NFIB: variants seen among roughly 807,000 people sequenced by gnomAD.
NFIB encodes the protein nuclear factor 1 B-type.
Under a neutral mutation model 61.5 loss-of-function variants are expected in NFIB, and 11 were observed. The observed-to-expected ratio is 0.18, with a 90% confidence interval of 0.11 to 0.30. NFIB has a LOEUF of 0.30. Ranked by LOEUF, NFIB falls within the 10% of genes least tolerant of loss-of-function variation. NFIB has a pLI of 1.00. For synonymous variants in NFIB, 260 were observed against 216.5 expected (o/e 1.20, Z -1.76); for missense variants, 471 against 608.9 (o/e 0.77, Z 2.38).
intron 2 of NFIB, among the ~76,000 whole-genome samples, chr9:14,206,428 C>A (rs1021636393): frequency 8.6e-5 from 13 of 152,028 alleles, no homozygotes; most frequent in South Asian, 6.2e-4. Flanking sequence ...CTCGGCCTCG[C>A]AAACTGCTGG....
intron 1 of NFIB, among the ~76,000 whole-genome samples, chr9:14,397,535 C>T (rs1206967109): frequency 6.6e-6 from 1 of 152,106 alleles, no homozygotes; most frequent in East Asian, 1.9e-4. Context: ...TTATCCCCCC[C>T]AAAAAGATTC....
At chr9:14,227,726 C>T (rs1383214615) in intron 2 of NFIB, among the ~76,000 whole-genome samples, 3 of 152,112 alleles carry the variant, frequency 2.0e-5, no homozygotes, top group Non-Finnish European at 4.4e-5. Context: ...ATTCTCAATA[C>T]AAATCATCAA....
intron 4 of NFIB, among the ~76,000 whole-genome samples, chr9:14,150,940 A>G (rs2042802870): frequency 6.6e-6 from 1 of 152,132 alleles, no homozygotes. Context: ...GATATTTTGT[A>G]TAATTACATC....
chr9:14,276,999 G>A (rs182997671), intron 2 of NFIB, among the ~76,000 whole-genome samples: 21 of 152,092 alleles, frequency 1.4e-4, no homozygotes, highest in African/African-American at 4.8e-4. Context: ...AACTTTTCTT[G>A]TACTGAACTG....
upstream of NFIB, among the ~76,000 whole-genome samples, chr9:14,318,278 G>C (rs2060584992): frequency 6.6e-6 from 1 of 152,154 alleles, no homozygotes; most frequent in African/African-American, 2.4e-5. Context: ...CAGCTCACTG[G>C]ATTTTTCAAA....
At chr9:14,141,562 A>G (rs2041704732) in intron 6 of NFIB, among the ~76,000 whole-genome samples, 1 of 152,100 alleles carries the variant, frequency 6.6e-6, no homozygotes, top group South Asian at 2.1e-4. Flanking sequence ...TTACTTTTCC[A>G]TTCAGGAGGT....
At chr9:14,452,799 T>G in the NFIB span, among the ~76,000 whole-genome samples, 16 of 152,184 alleles carry the variant, frequency 1.1e-4, no homozygotes, top group African/African-American at 3.6e-4. Flanking sequence ...CACTGTGCCC[T>G]GCTGATGACA....
intron 1 of NFIB, among the ~76,000 whole-genome samples, chr9:14,338,372 T>A (rs57841065): frequency 6.6e-6 from 1 of 150,476 alleles, no homozygotes; most frequent in Non-Finnish European, 1.5e-5. Context: ...CCAGCCTGGG[T>A]GACAGAGCGA....
intron 7 of NFIB, among the ~76,000 whole-genome samples, chr9:14,121,644 T>G (rs931432968): frequency 6.6e-6 from 1 of 152,194 alleles, no homozygotes; most frequent in East Asian, 1.9e-4. Flanking sequence ...TACTTTAACT[T>G]TTACTATATG....
the NFIB span, among the ~76,000 whole-genome samples, chr9:14,442,804 G>A: frequency 6.6e-6 from 1 of 152,084 alleles, no homozygotes; most frequent in East Asian, 1.9e-4. Context: ...ACCTTTTTGA[G>A]GGGACACGGC....
intron 2 of NFIB, among the ~76,000 whole-genome samples, chr9:14,290,041 C>T (rs1057262983): frequency 6.6e-6 from 1 of 151,932 alleles, no homozygotes; most frequent in African/African-American, 2.4e-5. Context: ...TTGTCTTATA[C>T]CCAAATGAAA....
chr9:14,202,216 T>A (rs555158343), intron 2 of NFIB, among the ~76,000 whole-genome samples: 1 of 151,308 alleles, frequency 6.6e-6, no homozygotes, highest in Non-Finnish European at 1.5e-5. Context: ...TTATAGCAAC[T>A]AAAACATGAG....
At chr9:14,149,926 G>A (rs994602637) in intron 5 of NFIB, among the ~76,000 whole-genome samples, 8 of 152,144 alleles carry the variant, frequency 5.3e-5, no homozygotes, top group Admixed American at 4.6e-4. Context: ...CTAGTTACCT[G>A]TCCCCCTGAA....
chr9:14,466,340 C>T, the NFIB span, among the ~76,000 whole-genome samples: 1 of 152,108 alleles, frequency 6.6e-6, no homozygotes. Context: ...TCTTATTTTC[C>T]AGTGAAGATG....
At chr9:14,274,900 C>A (rs2057890031) in intron 2 of NFIB, among the ~76,000 whole-genome samples, 1 of 152,122 alleles carries the variant, frequency 6.6e-6, no homozygotes, top group South Asian at 2.1e-4. Context: ...TAACTGATTT[C>A]TTAAGAAATC....
chr9:14,419,303 A>AAAG, the NFIB span, among the ~76,000 whole-genome samples: 1 of 149,264 alleles, frequency 6.7e-6, no homozygotes, highest in African/African-American at 2.5e-5. Flanking sequence ...AAAAAAAAAA[A>AAAG]GCAAGAAAGA....
At chr9:14,415,865 T>C in the NFIB span, among the ~76,000 whole-genome samples, 2 of 152,156 alleles carry the variant, frequency 1.3e-5, no homozygotes, top group African/African-American at 2.4e-5. Flanking sequence ...TTGGACCTAA[T>C]GGTTTGAAGC....
At chr9:14,531,662 C>T in the NFIB span, among the ~76,000 whole-genome samples, 8 of 149,726 alleles carry the variant, frequency 5.3e-5, no homozygotes, top group East Asian at 7.9e-4. Flanking sequence ...GGCCTGGGAC[C>T]GACTGTACCA....
intron 8 of NFIB, among the ~76,000 whole-genome samples, chr9:14,118,123 A>G (rs551272): frequency 0.13 from 19,111 of 152,144 alleles, 1,546 homozygotes; most frequent in Non-Finnish European, 0.18. Context: ...GTTAACTATA[A>G]AGACCCATTT....
Sources: gnomAD v4.1 joint callset for allele counts (sites outside exome capture counted in the v4.1 genomes callset) on GRCh38, gnomAD v4.1.1 for gene constraint, MANE v1.5 for transcripts, NCBI Gene and HGNC (gene_info 2026-07-23, HGNC 2026-07-21) for gene names.